ARHGEF10L: variants seen among roughly 807,000 people sequenced by gnomAD.
ARHGEF10L encodes the protein rho guanine nucleotide exchange factor 10-like protein.
In ARHGEF10L, 69 loss-of-function variants were observed where a neutral mutation model predicts 141.2. That is an observed-to-expected ratio of 0.49 (90% CI 0.40 to 0.60). The LOEUF is 0.60. Among genes scored for constraint, ARHGEF10L ranks in the 20% least tolerant of loss-of-function variants. The pLI, the probability that ARHGEF10L is intolerant of heterozygous loss-of-function variation, is 0.00. For synonymous variants in ARHGEF10L, 711 were observed against 718.5 expected, an observed-to-expected ratio of 0.99 and a Z score of 0.17; for missense variants, 1,482 against 1,734.3, an observed-to-expected ratio of 0.85 and a Z score of 2.58.
At chr1:17,682,461 C>T (rs1417334039) in intron 26 of ARHGEF10L, among the ~76,000 whole-genome samples, 1 of 152,186 alleles carries the variant, frequency 6.6e-6, no homozygotes, top group Non-Finnish European at 1.5e-5. Context: ...TCATTTTGTC[C>T]TTCAGCAGGG....
chr1:17,621,882 C>T lies in ARHGEF10L; in HGVS notation c.961C>T (p.Leu321=). 1 of 1,614,176 alleles carries T rather than the reference C, an allele frequency of 6.2e-7. No individual in the cohort carries two copies. Among genetic ancestry groups the T allele is most frequent in the Non-Finnish European group, 8.5e-7 (1 of 1,180,030 alleles). ...SPQQVVRRHI[L]GSIVQSEGSY... Reference sequence around the variant, plus strand: ...CGAGCAGGTGGTCCGGAGGCATATCCTGGGCTCCATCGTGCAGAGCGAAGG... The same window carrying T: ...CGAGCAGGTGGTCCGGAGGCATATCTTGGGCTCCATCGTGCAGAGCGAAGG... The change falls in exon 11 of 29, where the codon CTG becomes TTG. Residue 321 remains leucine, a synonymous_variant. Coordinates refer to ENST00000361221, the MANE Select transcript of ARHGEF10L (RefSeq NM_018125.4). This position sits in a 1 kb window ranked among gnomAD's most constrained non-coding sequence, Gnocchi z 4.1.
chr1:17,651,648 A>T (rs1435847789), intron 22 of ARHGEF10L, among the ~76,000 whole-genome samples: 2 of 152,260 alleles, frequency 1.3e-5, no homozygotes, highest in East Asian at 3.9e-4. Context: ...AACCTGGGGA[A>T]CCAGGGCCCA....
At chr1:17,631,612 T>TCA (rs2060695770) in intron 15 of ARHGEF10L, among the ~76,000 whole-genome samples, 1 of 152,226 alleles carries the variant, frequency 6.6e-6, no homozygotes, top group South Asian at 2.1e-4. Context: ...GGCCGGCCTC[T>TCA]CAGGCCATGA....
At chr1:17,515,293 T>C in the ARHGEF10L span, among the ~76,000 whole-genome samples, 202 of 24,152 alleles carry the variant, frequency 8.4e-3, no homozygotes, top group Middle Eastern at 0.029. Flanking sequence ...TTTTCTCTCT[T>C]TTTTTTTTTT....
chr1:17,602,309 C>T (rs2100942239), intron 5 of ARHGEF10L, 91 bp downstream of exon 5: 3 of 1,400,778 alleles, frequency 2.1e-6, no homozygotes, highest in East Asian at 2.5e-5. Flanking sequence ...ATGTGGGCTC[C>T]TGTGAGCCCA....
chr1:17,689,441 T>C (rs1359314939), intron 27 of ARHGEF10L, among the ~76,000 whole-genome samples: 3 of 27,636 alleles, frequency 1.1e-4, no homozygotes, highest in Admixed American at 4.3e-4. Flanking sequence ...TGTGTTTGGG[T>C]TGCCTCCTTC....
In ARHGEF10L at chr1:17,615,712, G is replaced by A. The variant is rs1419155314; in HGVS notation, c.727-382G>A. On this transcript the variant is annotated intron_variant, in intron 8 of 28. Transcript: ENST00000361221. The surrounding 1 kb of genome is among the most constrained non-coding windows in gnomAD (Gnocchi z 4.7). ...TTGCTGTTCCTCAGTTTTGCCTGGGGAAATGGAGGCTCAGTGACGTTCAGT... is the reference window on the plus strand; with the variant it reads ...TTGCTGTTCCTCAGTTTTGCCTGGGAAAATGGAGGCTCAGTGACGTTCAGT... The A allele has an allele frequency of 5.7e-6, 1 of 176,398 alleles. No homozygotes were observed. The highest frequency in any genetic ancestry group is 1.2e-5 in the Non-Finnish European group (1 of 82,576). The allele number at this position is 176,398 out of a possible 1,614,324, so 10.9% of individuals were successfully genotyped here.
chr1:17,533,048 C>CAGGGACAG, the ARHGEF10L span, among the ~76,000 whole-genome samples: 1 of 152,168 alleles, frequency 6.6e-6, no homozygotes, highest in African/African-American at 2.4e-5. Flanking sequence ...CAGACAGTAC[C>CAGGGACAG]ACCTGAATAT....
At chr1:17,588,930 G>A (rs921806037) in intron 4 of ARHGEF10L, among the ~76,000 whole-genome samples, 1 of 129,464 alleles carries the variant, frequency 7.7e-6, no homozygotes, top group African/African-American at 2.8e-5. Context: ...TTTGAGGGTG[G>A]GGGGGGTGCA....
intron 1 of ARHGEF10L, among the ~76,000 whole-genome samples, chr1:17,563,028 C>T (rs897537566): frequency 2.1e-4 from 32 of 151,982 alleles, no homozygotes; most frequent in African/African-American, 6.3e-4. Flanking sequence ...CTGAGAAACT[C>T]GAGGATGAGG....
intron 11 of ARHGEF10L, among the ~76,000 whole-genome samples, chr1:17,622,353 T>C (rs989897816): frequency 6.6e-6 from 1 of 152,120 alleles, no homozygotes; most frequent in Non-Finnish European, 1.5e-5. Context: ...GATCGAGTCC[T>C]CTTTTTTGCA....
At chr1:17,577,925 A>C (rs2078291439) in intron 1 of ARHGEF10L, among the ~76,000 whole-genome samples, 2 of 152,128 alleles carry the variant, frequency 1.3e-5, no homozygotes, top group Non-Finnish European at 2.9e-5. Flanking sequence ...CTTTCTAGGG[A>C]AAGCCTTGGG....
chr1:17,536,409 G>A (rs1428329229), upstream of ARHGEF10L, among the ~76,000 whole-genome samples: 1 of 152,238 alleles, frequency 6.6e-6, no homozygotes, highest in Non-Finnish European at 1.5e-5. Flanking sequence ...CCTGGGAGGC[G>A]GAGGTTGCGG....
intron 1 of ARHGEF10L, among the ~76,000 whole-genome samples, chr1:17,572,862 A>T (rs879874747): frequency 1.6e-4 from 24 of 152,038 alleles, no homozygotes; most frequent in Non-Finnish European, 3.4e-4. Flanking sequence ...GGGGTCACAG[A>T]TTCCCCAAAG....
At chr1:17,601,820 G>A (rs900860408) in intron 4 of ARHGEF10L, among the ~76,000 whole-genome samples, 2 of 152,166 alleles carry the variant, frequency 1.3e-5, no homozygotes, top group Admixed American at 1.3e-4. Context: ...GTGGAGAGGT[G>A]GAGGTTCCCT....
rs74537414 is a variant in ARHGEF10L, at chr1:17,648,411, C to T, written c.2273-143C>T. 947 of 1,042,398 alleles carry T rather than the reference C, an allele frequency of 9.1e-4. 9 individuals are homozygous for T. In the African/African-American group the frequency reaches 0.012, roughly 13 times the overall value. The allele number at this position is 1,042,398 out of a possible 1,614,324, so 64.6% of individuals were successfully genotyped here. A position where few individuals can be genotyped will look rare whatever the true frequency, so the allele number is the denominator to read the frequency against. Reference sequence around the variant, plus strand: ...CCTGAGGCTGGATTTCATCTCAGTCCGGCAGGAGTAGGGTGGGGAGTGACT... The same window carrying T: ...CCTGAGGCTGGATTTCATCTCAGTCTGGCAGGAGTAGGGTGGGGAGTGACT... On this transcript the variant is annotated intron_variant, in intron 21 of 28. Transcript: ENST00000361221.
At chr1:17,598,897 A>T (rs181557773) in intron 4 of ARHGEF10L, among the ~76,000 whole-genome samples, 1 of 152,250 alleles carries the variant, frequency 6.6e-6, no homozygotes, top group East Asian at 1.9e-4. Context: ...GGTCTGGTTG[A>T]AACAATAGAA....
the ARHGEF10L span, among the ~76,000 whole-genome samples, chr1:17,531,602 G>A: frequency 6.6e-6 from 1 of 152,206 alleles, no homozygotes; most frequent in East Asian, 1.9e-4. Context: ...GTTGCCTGGA[G>A]GCTTAGCACA....
intron 1 of ARHGEF10L, among the ~76,000 whole-genome samples, chr1:17,561,274 C>A (rs772998184): frequency 1.1e-4 from 17 of 152,234 alleles, no homozygotes; most frequent in Admixed American, 6.5e-4. Context: ...GCACCTCCCC[C>A]CCGCCCCGTC....
Sources: gnomAD v4.1 joint callset for allele counts (sites outside exome capture counted in the v4.1 genomes callset) on GRCh38, gnomAD v4.1.1 for gene constraint, Gnocchi (gnomAD v3.1) non-coding constraint, MANE v1.5 for transcripts, NCBI Gene and HGNC (gene_info 2026-07-23, HGNC 2026-07-21) for gene names.